Variants in NUP210L observed in about 807,000 individuals in gnomAD.
The protein encoded by NUP210L is nucleoporin 210 like, also known as nuclear pore membrane glycoprotein 210-like.
Under a neutral mutation model 208.5 loss-of-function variants are expected in NUP210L, and 74 were observed. The ratio of observed to expected loss-of-function variants is 0.35; its 90% CI spans 0.29 to 0.43. The LOEUF is 0.43. Ranked by LOEUF, NUP210L falls within the 20% of genes least tolerant of loss-of-function variation. NUP210L has a pLI of 1.00. For synonymous variants in NUP210L, 780 were observed against 816.9 expected (o/e 0.95, Z 0.77); for missense variants, 1,843 against 2,289.4 (o/e 0.81, Z 3.98).
rs747109271 is a variant in NUP210L, at chr1:154,104,047, A to G, written c.1784T>C (p.Met595Thr). The change falls in exon 13 of 40, where the codon ATG becomes ACG. Residue 595 changes from methionine (M) to threonine (T), a missense_variant. Coordinates refer to ENST00000368559, the Ensembl canonical transcript of NUP210L. ...AAGAGTAAAGACTCCTTGTTTATCC[A>G]TGTTCAGATCCAAGGATAAATGAGA... The G allele has an allele frequency of 1.9e-5, 30 of 1,613,960 alleles. No homozygotes were observed. The highest frequency in any genetic ancestry group is 2.5e-5 in the Non-Finnish European group (29 of 1,180,006).
At chr1:154,034,662 A>G (rs1652432508) in intron 27 of NUP210L, among the ~76,000 whole-genome samples, 1 of 151,670 alleles carries the variant, frequency 6.6e-6, no homozygotes, top group African/African-American at 2.4e-5. Flanking sequence ...CATGGTGTTG[A>G]TCTCATTACT....
intron 14 of NUP210L, among the ~76,000 whole-genome samples, chr1:154,099,233 C>T (rs944150840): frequency 3.3e-5 from 5 of 152,130 alleles, no homozygotes; most frequent in Non-Finnish European, 5.9e-5. Flanking sequence ...GGCAGGGGTG[C>T]ATCTCCTGCC....
At chr1:154,009,583 T>C (rs1650780169) in intron 35 of NUP210L, among the ~76,000 whole-genome samples, 1 of 146,994 alleles carries the variant, frequency 6.8e-6, no homozygotes, top group South Asian at 2.1e-4. Context: ...GGCCAGGAGT[T>C]TGAGACCAGC....
chr1:154,118,516 G>T (rs556853706), intron 11 of NUP210L, among the ~76,000 whole-genome samples, 155 bp downstream of exon 11: 1 of 152,272 alleles, frequency 6.6e-6, no homozygotes, highest in South Asian at 2.1e-4. Flanking sequence ...TGTTATAGAT[G>T]ACATTTTTCA....
exon 11 of NUP210L, chr1:154,118,754 T>G: frequency 6.3e-6 from 10 of 1,594,602 alleles, no homozygotes; most frequent in Non-Finnish European, 8.6e-6. Flanking sequence ...GGAAAATAAA[T>G]CTTCACTTCT....
intron 27 of NUP210L, among the ~76,000 whole-genome samples, chr1:154,031,358 G>C (rs1652207559): frequency 1.3e-5 from 2 of 152,064 alleles, no homozygotes; most frequent in African/African-American, 4.8e-5. Context: ...CCAAAGTGCT[G>C]GAATTACAGG....
intron 16 of NUP210L, among the ~76,000 whole-genome samples, chr1:154,082,980 C>T (rs936887793): frequency 9.9e-5 from 15 of 152,138 alleles, no homozygotes; most frequent in East Asian, 7.7e-4. Flanking sequence ...TTTGTGGTCT[C>T]GCTGACTCCA....
intron 29 of NUP210L, among the ~76,000 whole-genome samples, chr1:154,027,126 G>A (rs181045646): frequency 1.1e-4 from 16 of 146,428 alleles, no homozygotes; most frequent in Admixed American, 1.4e-4. Flanking sequence ...AACACAAAAC[G>A]TTGCATACTG....
chr1:154,100,325 C>A (rs924201596), intron 13 of NUP210L, among the ~76,000 whole-genome samples, 182 bp from the exon 14 acceptor site: 1 of 151,442 alleles, frequency 6.6e-6, no homozygotes. Context: ...GTGGCGTGCA[C>A]CTGTAGTCCC....
At chr1:154,148,331 A>C (rs907439473) in intron 2 of NUP210L, among the ~76,000 whole-genome samples, 7 of 151,628 alleles carry the variant, frequency 4.6e-5, no homozygotes, top group African/African-American at 1.7e-4. Context: ...ATCTTTACAA[A>C]ACTTAGCTGG....
intron 25 of NUP210L, among the ~76,000 whole-genome samples, chr1:154,051,181 T>C (rs1653472675): frequency 6.6e-6 from 1 of 152,056 alleles, no homozygotes; most frequent in Non-Finnish European, 1.5e-5. Flanking sequence ...GATTGCCTAG[T>C]TGCTACTACA....
At chr1:154,152,976 T>C (rs1219925137) in intron 1 of NUP210L, 104 bp from the exon 2 acceptor site, 2 of 941,514 alleles carry the variant, frequency 2.1e-6, no homozygotes, top group Non-Finnish European at 3.3e-6. Context: ...CTACCAGGTA[T>C]ATGTAAATGA....
intron 27 of NUP210L, among the ~76,000 whole-genome samples, chr1:154,043,140 C>G (rs1273154939): frequency 1.3e-5 from 2 of 149,836 alleles, no homozygotes; most frequent in African/African-American, 4.9e-5. Context: ...CTGCCTCAGC[C>G]TCCTGAGTAG....
chr1:154,113,783 G>T (rs1475133076), intron 12 of NUP210L, among the ~76,000 whole-genome samples: 1 of 148,080 alleles, frequency 6.8e-6, no homozygotes, highest in African/African-American at 2.5e-5. Context: ...GCTTGAACCT[G>T]GGAGGTGGAG....
intron 12 of NUP210L, among the ~76,000 whole-genome samples, chr1:154,109,610 TG>T (rs1217840280): frequency 2.1e-4 from 32 of 151,698 alleles, no homozygotes; most frequent in Admixed American, 1.5e-3. Flanking sequence ...TCAGCAAGAA[TG>T]AGTATTCTTG....
chr1:154,129,369 A>T lies in NUP210L; in HGVS notation c.1010-24T>A, dbSNP rs757520491. ...ATCTTAATTTTTGCTTAAGGAAATC[A>T]TGTGAGCCAGAGTTGGGTGAAAAGG... On this transcript the variant is annotated intron_variant, in intron 7 of 39. Coordinates refer to ENST00000368559, the Ensembl canonical transcript of NUP210L. The T allele has an allele frequency of 3.7e-5, 56 of 1,516,802 alleles. 1 individual carries two copies. The Admixed American group carries it at 9.5e-4, about 26-fold the overall frequency. 94.0% of individuals were successfully genotyped at this position (1,516,802 alleles called of 1,614,324 possible). A position where few individuals can be genotyped will look rare whatever the true frequency, so the allele number is the denominator to read the frequency against.
At chr1:154,070,023 G>A (rs929244406) in intron 17 of NUP210L, among the ~76,000 whole-genome samples, 6 of 152,104 alleles carry the variant, frequency 3.9e-5, no homozygotes, top group Admixed American at 6.6e-5. Flanking sequence ...GACACAGGGC[G>A]GGGAACATCA....
intron 12 of NUP210L, among the ~76,000 whole-genome samples, chr1:154,108,461 A>G (rs1031168646): frequency 6.7e-6 from 1 of 148,492 alleles, no homozygotes; most frequent in African/African-American, 2.6e-5. Flanking sequence ...AGCCACTGCA[A>G]CCAGCCTAGA....
intron 8 of NUP210L, 148 bp from the exon 9 acceptor site, chr1:154,127,565 T>A: frequency 2.1e-6 from 1 of 468,110 alleles, no homozygotes; most frequent in Middle Eastern, 6.0e-4. Context: ...TTTTTTTTTT[T>A]TTTTTTTTTG....
Sources: gnomAD v4.1 joint callset for allele counts (sites outside exome capture counted in the v4.1 genomes callset) on GRCh38, gnomAD v4.1.1 for gene constraint, MANE v1.5 for transcripts, NCBI Gene and HGNC (gene_info 2026-07-23, HGNC 2026-07-21) for gene names.